Variants in LMBRD2 observed in about 807,000 individuals in gnomAD.
The protein encoded by LMBRD2 is G protein-coupled receptor-associated protein LMBRD2.
A neutral mutation model predicts 94.4 loss-of-function variants in LMBRD2; 55 were observed. The ratio of observed to expected loss-of-function variants is 0.58; its 90% CI spans 0.47 to 0.73. LMBRD2 has a LOEUF of 0.73. Among genes scored for constraint, LMBRD2 ranks in the 30% least tolerant of loss-of-function variants. LMBRD2 has a pLI of 0.00. For missense variants in LMBRD2, 640 were observed against 831.9 expected, an observed-to-expected ratio of 0.77 and a Z score of 2.84; for synonymous variants, 246 against 272.4, an observed-to-expected ratio of 0.90 and a Z score of 0.95.
intron 6 of LMBRD2, among the ~76,000 whole-genome samples, chr5:36,132,485 T>C (rs951422870): frequency 2.6e-5 from 4 of 151,946 alleles, no homozygotes; most frequent in Non-Finnish European, 5.9e-5. Context: ...AAAAAGCTTC[T>C]GCACAGCAAA....
At position 36,103,799 on chromosome 5, in the gene LMBRD2, C is replaced by T. The variant is rs1405613529; in HGVS notation, c.*247G>A. On this transcript the variant is annotated 3_prime_UTR_variant, in exon 18 of 18. Transcript: ENST00000296603. ...ATGTTGATCTTTCTTAAAGTCCTTC[C>T]ACTGTAACTGTATTTCTAAGGCAGA... 4 of 278,036 alleles carry T rather than the reference C, an allele frequency of 1.4e-5. No individual in the cohort carries two copies. The highest frequency in any genetic ancestry group is 4.4e-5 in the African/African-American group (2 of 45,180). The allele number at this position is 278,036 out of a possible 1,614,324, so 17.2% of individuals were successfully genotyped here. A position where few individuals can be genotyped will look rare whatever the true frequency, so the allele number is the denominator to read the frequency against.
chr5:36,125,297 G>A (rs1055630707), intron 6 of LMBRD2, among the ~76,000 whole-genome samples: 1 of 152,136 alleles, frequency 6.6e-6, no homozygotes, highest in East Asian at 1.9e-4. Flanking sequence ...AAGTGAGCAG[G>A]ATATTTAGAA....
Position 36,136,513 on chromosome 5 carries a change from C to T in LMBRD2, c.543G>A (p.Gln181=), listed in dbSNP as rs1348872601. The T allele has an allele frequency of 1.9e-6, 3 of 1,613,620 alleles. No individual in the cohort carries two copies. In the African/African-American group the frequency reaches 4.0e-5, roughly 22 times the overall value. The change falls in exon 6 of 18, where the codon CAG becomes CAA. Residue 181 remains glutamine (Q), a synonymous_variant. Coordinates refer to ENST00000296603, the MANE Select transcript of LMBRD2 (RefSeq NM_001007527.2). ...VNPHLHLEWN[Q]LQTIGIAAAN... is the part of the protein sequence containing the mutation. Reference sequence around the variant, plus strand: ...CAGCAGCTATCCCAATTGTCTGAAGCTGGTTCCTAAGAAAGGGAAACAACA... The same window carrying T: ...CAGCAGCTATCCCAATTGTCTGAAGTTGGTTCCTAAGAAAGGGAAACAACA...
At chr5:36,142,695 C>T (rs1744440493) in intron 2 of LMBRD2, 96 bp from the exon 3 acceptor site, 4 of 687,068 alleles carry the variant, frequency 5.8e-6, no homozygotes, top group Non-Finnish European at 2.6e-6. Flanking sequence ...TCTAAACTTA[C>T]CTTCTTGGCT....
chr5:36,109,955 T>C lies in LMBRD2; in HGVS notation c.1781A>G (p.Asn594Ser). The change falls in exon 15 of 18, where the codon AAT becomes AGT. Residue 594 changes from asparagine (N) to serine (S), a missense_variant. By Grantham distance (46) the Asn-to-Ser change is conservative (BLOSUM62 1). Transcript: ENST00000296603. ...TAATACTGTACTTACTCTTCTTCGA[T>C]TTTCACCTTCTTCTTGCCTTTGCCT... ...RKRQRQEEGE[N>S]RRREWKERYG... is the part of the protein sequence containing the mutation. 1 of 1,606,306 alleles carries C rather than the reference T, an allele frequency of 6.2e-7. No individual in the cohort carries two copies. The highest frequency in any genetic ancestry group is 2.2e-5 in the East Asian group (1 of 44,724).
chr5:36,138,136 A>G (rs1454529585), intron 4 of LMBRD2, among the ~76,000 whole-genome samples: 1 of 152,194 alleles, frequency 6.6e-6, no homozygotes, highest in Non-Finnish European at 1.5e-5. Context: ...GAGCATATGG[A>G]TTAGGAACTA....
At chr5:36,104,196 T>C (rs539008460) in intron 17 of LMBRD2, 90 bp from the exon 18 acceptor site, 9 of 991,950 alleles carry the variant, frequency 9.1e-6, no homozygotes, top group East Asian at 5.2e-5. Flanking sequence ...GGAGTGGCCA[T>C]ATAATTTGTA....
intron 1 of LMBRD2, among the ~76,000 whole-genome samples, chr5:36,146,787 C>T (rs1744550724): frequency 6.6e-6 from 1 of 152,122 alleles, no homozygotes; most frequent in Non-Finnish European, 1.5e-5. Context: ...GCATGTGGCT[C>T]TGTATATGTT....
chr5:36,106,321 A>G (rs771676854), intron 16 of LMBRD2, among the ~76,000 whole-genome samples: 44 of 152,044 alleles, frequency 2.9e-4, no homozygotes, highest in Admixed American at 5.9e-4. Flanking sequence ...CAACTGCCTT[A>G]TTTTAGACCA....
At position 36,137,403 on chromosome 5, in the gene LMBRD2, C is replaced by T. The variant is rs749135279; in HGVS notation, c.407G>A (p.Gly136Glu). 2.5e-6 allele frequency: 4 copies of T among 1,595,984 alleles called. No homozygotes were observed. The highest frequency in any genetic ancestry group is 3.4e-6 in the Non-Finnish European group (4 of 1,167,902). The change falls in exon 5 of 18, where the codon GGA (glycine) becomes GAA (glutamate). Residue 136 changes from glycine to glutamate, a missense_variant. Gly to Glu is a moderately conservative substitution (Grantham distance 98, BLOSUM62 -2). Around this residue, in one of 2 missense-constraint regions of LMBRD2, gnomAD observed 457 missense variants for 642.8 expected, o/e 0.71. Transcript: ENST00000296603. ...LPFMQSYARS[G>E]GFSITGKIKT... Reference sequence around the variant, plus strand: ...GATCTTTCCAGTGATGGAAAACCCTCCTGATCTTGCATATGACTGCATAAA... The same window carrying T: ...GATCTTTCCAGTGATGGAAAACCCTTCTGATCTTGCATATGACTGCATAAA...
chr5:36,120,551 G>A (rs185806974), intron 9 of LMBRD2, among the ~76,000 whole-genome samples: 50 of 152,186 alleles, frequency 3.3e-4, no homozygotes, highest in African/African-American at 1.2e-3. Flanking sequence ...GAGCCACCGC[G>A]CCTGGCCTCA....
intron 9 of LMBRD2, among the ~76,000 whole-genome samples, chr5:36,118,720 G>A (rs547604718): frequency 2.0e-5 from 3 of 150,140 alleles, no homozygotes; most frequent in East Asian, 3.9e-4. Flanking sequence ...GCATGATCTC[G>A]GCTCACTGCA....
chr5:36,143,123 C>A, intron 2 of LMBRD2, 53 bp downstream of exon 2: 1 of 1,176,404 alleles, frequency 8.5e-7, no homozygotes, highest in Non-Finnish European at 1.2e-6. Context: ...TTCCAACATG[C>A]TGTATGATTA....
intron 7 of LMBRD2, 84 bp from the exon 8 acceptor site, chr5:36,123,045 G>A (rs1352758447): frequency 7.7e-7 from 1 of 1,290,562 alleles, no homozygotes; most frequent in African/African-American, 1.6e-5. Context: ...TTTCATTCTT[G>A]AGCAGTTCTA....
chr5:36,136,848 A>C (rs2111900745), intron 5 of LMBRD2, among the ~76,000 whole-genome samples: 1 of 152,324 alleles, frequency 6.6e-6, no homozygotes, highest in South Asian at 2.1e-4. Context: ...ATATATTACA[A>C]ATCATAAGTA....
chr5:36,114,519 A>G lies in LMBRD2; in HGVS notation c.1545T>C (p.Ile515=). 6.5e-7 allele frequency: 1 copy of G among 1,534,746 alleles called. No homozygotes were observed. The highest frequency in any genetic ancestry group is 8.7e-7 in the Non-Finnish European group (1 of 1,148,880). ...AGGATAAAACTTTCATGGAACCCAT[A>G]ATCTGAAGAGCAAGAAAAAAGTAAG... is the stretch of plus-strand genomic sequence containing the variant. ...KNTQPTAYTS[I]MGSMKVLSFI... is the part of the protein sequence containing the mutation. Residue 515 remains isoleucine (I), a splice_region_variant and synonymous_variant, in exon 13 of 18, where the codon ATT becomes ATC. Coordinates refer to ENST00000296603, the MANE Select transcript of LMBRD2 (RefSeq NM_001007527.2).
intron 17 of LMBRD2, 81 bp downstream of exon 17, chr5:36,104,987 T>G: frequency 7.4e-7 from 1 of 1,348,258 alleles, no homozygotes; most frequent in African/African-American, 1.5e-5. Flanking sequence ...CTTTACTTAC[T>G]TATTTTCAAT....
intron 6 of LMBRD2, among the ~76,000 whole-genome samples, chr5:36,130,230 A>C (rs1183393270): frequency 1.3e-5 from 2 of 152,192 alleles, no homozygotes; most frequent in South Asian, 4.1e-4. Flanking sequence ...ACAACTTTTT[A>C]AGACACAGAT....
At chr5:36,116,965 C>G (rs952125433) in intron 10 of LMBRD2, among the ~76,000 whole-genome samples, 2 of 152,162 alleles carry the variant, frequency 1.3e-5, no homozygotes, top group African/African-American at 2.4e-5. Flanking sequence ...TGAGCCACCA[C>G]GCCCAGCCTG....
Sources: gnomAD v4.1 joint callset for allele counts (sites outside exome capture counted in the v4.1 genomes callset) on GRCh38, gnomAD v4.1.1 for gene constraint, gnomAD v4.1.1 regional missense constraint, MANE v1.5 for transcripts, NCBI Gene and HGNC (gene_info 2026-07-23, HGNC 2026-07-21) for gene names.